PRDM16: variants seen among roughly 807,000 people sequenced by gnomAD.
The protein encoded by PRDM16 is histone-lysine N-methyltransferase PRDM16.
Under a neutral mutation model 110.6 loss-of-function variants are expected in PRDM16, and 23 were observed. That is an observed-to-expected ratio of 0.21 (90% CI 0.15 to 0.29). The LOEUF (loss-of-function observed/expected upper bound fraction) is 0.29, where lower values mean the gene tolerates loss of function less well. Among genes scored for constraint, PRDM16 ranks in the 10% least tolerant of loss-of-function variants. The pLI, the probability that PRDM16 is intolerant of heterozygous loss-of-function variation, is 1.00. For missense variants in PRDM16, 1,615 were observed against 1,794.3 expected, an observed-to-expected ratio of 0.90 and a Z score of 1.81; for synonymous variants, 799 against 781.8, an observed-to-expected ratio of 1.02 and a Z score of -0.37.
intron 3 of PRDM16, among the ~76,000 whole-genome samples, chr1:3,266,747 C>T (rs962455789): frequency 2.0e-5 from 3 of 152,234 alleles, no homozygotes; most frequent in Non-Finnish European, 4.4e-5. Context: ...GCAATCTCAG[C>T]TCACTGCAAC....
At chr1:3,311,412 C>A (rs1641457682) in intron 3 of PRDM16, among the ~76,000 whole-genome samples, 1 of 152,220 alleles carries the variant, frequency 6.6e-6, no homozygotes, top group African/African-American at 2.4e-5. Flanking sequence ...TTGGTGCCCG[C>A]TCTGTCCTGT....
intron 3 of PRDM16, among the ~76,000 whole-genome samples, chr1:3,254,937 T>A (rs1194835565): frequency 6.6e-6 from 1 of 152,206 alleles, no homozygotes; most frequent in African/African-American, 2.4e-5. Flanking sequence ...CAAAACAGCA[T>A]GGTACTGGAA....
In PRDM16 at chr1:3,425,031, C is replaced by G. The variant is rs1021550242; in HGVS notation, c.2940-550C>G. The G allele has an allele frequency of 6.5e-6, 1 of 154,198 alleles. No homozygotes were observed. The highest frequency in any genetic ancestry group is 2.4e-5 in the African/African-American group (1 of 41,358). The allele number at this position is 154,198 out of a possible 1,614,324, so 9.6% of individuals were successfully genotyped here. On this transcript the variant is annotated intron_variant, in intron 12 of 16. Transcript: ENST00000270722. This position sits in a 1 kb window ranked among gnomAD's most constrained non-coding sequence, Gnocchi z 6.9. ...GACACGGGGCACACTCCAGGGGGATCCACCAGCCAGCCACAGAACAGTAGG... is the reference window on the plus strand; with the variant it reads ...GACACGGGGCACACTCCAGGGGGATGCACCAGCCAGCCACAGAACAGTAGG...
At chr1:3,303,002 A>T (rs1413453170) in intron 3 of PRDM16, among the ~76,000 whole-genome samples, 2 of 152,098 alleles carry the variant, frequency 1.3e-5, no homozygotes, top group African/African-American at 4.8e-5. Context: ...ATAAATAAAA[A>T]CCTATATAAT....
chr1:3,391,061 C>T (rs1031063283), intron 4 of PRDM16, among the ~76,000 whole-genome samples: 2 of 152,158 alleles, frequency 1.3e-5, no homozygotes, highest in African/African-American at 2.4e-5. Flanking sequence ...GTTTCAAGCT[C>T]CTGACCTTGG....
intron 2 of PRDM16, among the ~76,000 whole-genome samples, chr1:3,212,593 G>C (rs1261958626): frequency 1.4e-5 from 2 of 147,212 alleles, no homozygotes; most frequent in Admixed American, 6.7e-5. Context: ...GGAGGCCCCC[G>C]CTCATCCTCC....
At position 3,435,015 on chromosome 1, in the gene PRDM16, G is replaced by A. The variant is rs948279864; in HGVS notation, c.*1204G>A. 4.0e-5 allele frequency: 9 copies of A among 227,634 alleles called. No homozygotes were observed. Among genetic ancestry groups the A allele is most frequent in the Non-Finnish European group, 6.1e-5 (7 of 114,502 alleles). 14.1% of individuals were successfully genotyped at this position (227,634 alleles called of 1,614,324 possible). Reference sequence around the variant, plus strand: ...ACAGTCGTCACGTCGCTCTTCCTGCGGGTTCTTGGCGAGACACAGCTTGAG... The same window carrying A: ...ACAGTCGTCACGTCGCTCTTCCTGCAGGTTCTTGGCGAGACACAGCTTGAG... On this transcript the variant is annotated 3_prime_UTR_variant, in exon 17 of 17. Coordinates refer to ENST00000270722, the MANE Select transcript of PRDM16 (RefSeq NM_022114.4).
chr1:3,075,561 GA>G (rs1409696133), intron 1 of PRDM16, among the ~76,000 whole-genome samples: 14 of 152,150 alleles, frequency 9.2e-5, no homozygotes, highest in Non-Finnish European at 1.3e-4. Context: ...AGAATCTAAG[GA>G]AAAAAATATA....
At chr1:3,424,106 C>A (rs536723074) in intron 12 of PRDM16, among the ~76,000 whole-genome samples, 35 of 152,312 alleles carry the variant, frequency 2.3e-4, no homozygotes, top group African/African-American at 8.4e-4. Flanking sequence ...CAGTCCCAGC[C>A]CCCCGCCGGA....
At chr1:3,180,252 G>A (rs951418238) in intron 1 of PRDM16, among the ~76,000 whole-genome samples, 13 of 151,622 alleles carry the variant, frequency 8.6e-5, no homozygotes, top group South Asian at 6.3e-4. Flanking sequence ...TCTCGGAGCC[G>A]GGCAGGAATC....
At chr1:3,409,348 C>A (rs2493298) in intron 8 of PRDM16, among the ~76,000 whole-genome samples, 20,700 of 152,038 alleles carry the variant, frequency 0.14, 1,490 homozygotes, top group Middle Eastern at 0.23. Context: ...TCTGGAGGGT[C>A]ACCTGTCCAT....
At chr1:3,281,122 G>A (rs1259843505) in intron 3 of PRDM16, among the ~76,000 whole-genome samples, 2 of 152,246 alleles carry the variant, frequency 1.3e-5, no homozygotes, top group South Asian at 4.1e-4. Context: ...GGACTGTCAA[G>A]AAGCTTGAGA....
chr1:3,237,041 C>A (rs1639554913), intron 2 of PRDM16, among the ~76,000 whole-genome samples: 1 of 152,156 alleles, frequency 6.6e-6, no homozygotes, highest in South Asian at 2.1e-4. Flanking sequence ...ACACTTGGGT[C>A]AGCAGGAAAG....
chr1:3,260,133 C>T (rs1370864427), intron 3 of PRDM16, among the ~76,000 whole-genome samples: 1 of 152,232 alleles, frequency 6.6e-6, no homozygotes, highest in Non-Finnish European at 1.5e-5. Flanking sequence ...GCTTTTCAAA[C>T]AGCTTTAGTT....
rs118033232 is a variant in PRDM16, at chr1:3,426,814, C to A, written c.3284+589C>A. On this transcript the variant is annotated intron_variant, in intron 14 of 16. Transcript: ENST00000270722. ...GGAGCTGCAGTTTAGGGGATCGTGC[C>A]TGGGGACAGGGCAGGACGTGCCTGG... Among the ~76,000 whole-genome samples, 102 of 152,290 alleles carry A rather than the reference C, an allele frequency of 6.7e-4. No homozygotes were observed. The East Asian group carries it at 0.019, about 28-fold the overall frequency.
At chr1:3,320,634 A>G (rs1641718981) in intron 3 of PRDM16, among the ~76,000 whole-genome samples, 1 of 152,212 alleles carries the variant, frequency 6.6e-6, no homozygotes, top group Admixed American at 6.5e-5. Context: ...CTATTTAAGG[A>G]AAACTCTCAC....
At chr1:3,294,595 G>A (rs745559531) in intron 3 of PRDM16, among the ~76,000 whole-genome samples, 4 of 152,002 alleles carry the variant, frequency 2.6e-5, no homozygotes, top group Non-Finnish European at 2.9e-5. Context: ...GAACATCCCC[G>A]GAGCAGCCCG....
chr1:3,276,838 C>G (rs1640596526), intron 3 of PRDM16, among the ~76,000 whole-genome samples: 2 of 152,234 alleles, frequency 1.3e-5, no homozygotes, highest in South Asian at 4.1e-4. Context: ...CGGCCTGGAC[C>G]CTGAGGCCAA....
chr1:3,122,295 C>T (rs1460136596), intron 1 of PRDM16, among the ~76,000 whole-genome samples: 1 of 152,202 alleles, frequency 6.6e-6, no homozygotes, highest in African/African-American at 2.4e-5. Context: ...TGCAGATCCC[C>T]TCCTCTGTCC....
Sources: allele counts gnomAD v4.1 joint callset (sites outside exome capture counted in the v4.1 genomes callset), GRCh38; gene constraint gnomAD v4.1.1; non-coding constraint Gnocchi (gnomAD v3.1); transcripts MANE v1.5; gene names NCBI Gene and HGNC (gene_info 2026-07-23, HGNC 2026-07-21).